Variants in AK5 observed in about 807,000 individuals in gnomAD.
The protein encoded by AK5 is adenylate kinase 5.
A neutral mutation model predicts 69.5 loss-of-function variants in AK5; 27 were observed. That is an observed-to-expected ratio of 0.39 (90% CI 0.29 to 0.54). The LOEUF is 0.54. Ranked by LOEUF, AK5 falls within the 20% of genes least tolerant of loss-of-function variation. The pLI, the probability that AK5 is intolerant of heterozygous loss-of-function variation, is 0.71. For missense variants in AK5, 531 were observed against 700.4 expected, an observed-to-expected ratio of 0.76 and a Z score of 2.73; for synonymous variants, 260 against 244.4, an observed-to-expected ratio of 1.06 and a Z score of -0.60.
At chr1:77,498,902 G>A (rs961552112) in intron 10 of AK5, among the ~76,000 whole-genome samples, 4 of 152,222 alleles carry the variant, frequency 2.6e-5, no homozygotes, top group East Asian at 1.9e-4. Context: ...GGACTGAGCT[G>A]TTAAGTGGTG....
chr1:77,396,938 C>T (rs1457122733), intron 6 of AK5, among the ~76,000 whole-genome samples: 1 of 152,240 alleles, frequency 6.6e-6, no homozygotes, highest in Non-Finnish European at 1.5e-5. Context: ...AATGGTAACT[C>T]GTGCCATGCA....
chr1:77,536,079 C>G, intron 13 of AK5, 41 bp downstream of exon 13: 1 of 1,263,210 alleles, frequency 7.9e-7, no homozygotes, highest in Non-Finnish European at 1.1e-6. Context: ...AGCCGCTTAC[C>G]TTTTTTTTTT....
At chr1:77,369,460 A>G (rs1243571669) in intron 6 of AK5, among the ~76,000 whole-genome samples, 2 of 152,328 alleles carry the variant, frequency 1.3e-5, no homozygotes, top group East Asian at 1.9e-4. Context: ...CTTCAAATAA[A>G]TAATACATAC....
intron 6 of AK5, among the ~76,000 whole-genome samples, chr1:77,382,497 C>T (rs967855113): frequency 2.0e-5 from 3 of 152,222 alleles, no homozygotes; most frequent in Middle Eastern, 3.4e-3. Flanking sequence ...AATACAGGCA[C>T]GCACCATCAT....
At chr1:77,531,061 T>G (rs997186735) in intron 12 of AK5, among the ~76,000 whole-genome samples, 1 of 152,156 alleles carries the variant, frequency 6.6e-6, no homozygotes, top group African/African-American at 2.4e-5. Context: ...ACTTAAAGAA[T>G]GAAGCCGTGG....
intron 8 of AK5, among the ~76,000 whole-genome samples, chr1:77,454,594 A>G (rs567287616): frequency 1.3e-5 from 2 of 152,208 alleles, no homozygotes; most frequent in Non-Finnish European, 2.9e-5. Context: ...TATACTTTCC[A>G]AAGAGAATTA....
intron 8 of AK5, among the ~76,000 whole-genome samples, chr1:77,436,584 C>T (rs1651976770): frequency 6.6e-6 from 1 of 151,598 alleles, no homozygotes; most frequent in Non-Finnish European, 1.5e-5. Context: ...AATATTTTAT[C>T]TTATTTTGAA....
intron 6 of AK5, among the ~76,000 whole-genome samples, chr1:77,398,187 A>C (rs2100542344): frequency 6.6e-6 from 1 of 152,338 alleles, no homozygotes; most frequent in Admixed American, 6.5e-5. Context: ...AAGGAAAGAG[A>C]AGGAAAAATA....
At position 77,331,378 on chromosome 1, in the gene AK5, AAAG is replaced by A. The variant is rs573804018; in HGVS notation, c.700-8994_700-8992del. Among the ~76,000 whole-genome samples the A allele has an allele frequency of 2.6e-5, 4 of 152,292 alleles. No homozygotes were observed. The South Asian group carries it at 8.3e-4, about 32-fold the overall frequency. ...TTGTATATTTGTTCTTTATCACATG[AAAG>A]AAGACCTCTTGAATTCCTAGTTTGA... On this transcript the variant is annotated intron_variant, in intron 5 of 13. Coordinates refer to ENST00000354567, the MANE Select transcript of AK5 (RefSeq NM_174858.3).
intron 8 of AK5, among the ~76,000 whole-genome samples, chr1:77,463,714 C>T (rs1653976902): frequency 6.6e-6 from 1 of 152,106 alleles, no homozygotes; most frequent in African/African-American, 2.4e-5. Flanking sequence ...TGTCTGTTTC[C>T]CTCTATTTTT....
At chr1:77,405,632 GAGCCC>G (rs1474737556) in intron 6 of AK5, among the ~76,000 whole-genome samples, 1 of 152,198 alleles carries the variant, frequency 6.6e-6, no homozygotes, top group Non-Finnish European at 1.5e-5. Flanking sequence ...GCTGCTCCCT[GAGCCC>G]TGGCTTCCCA....
chr1:77,409,873 G>A (rs1383229482), intron 6 of AK5, among the ~76,000 whole-genome samples: 1 of 151,964 alleles, frequency 6.6e-6, no homozygotes, highest in Admixed American at 6.6e-5. Flanking sequence ...TATAGTTTTG[G>A]GTTTTACATC....
chr1:77,359,759 G>C (rs1295392431), intron 6 of AK5, among the ~76,000 whole-genome samples: 1 of 152,102 alleles, frequency 6.6e-6, no homozygotes, highest in Non-Finnish European at 1.5e-5. Flanking sequence ...TATGTAATTC[G>C]CTAGCTTTAC....
intron 5 of AK5, among the ~76,000 whole-genome samples, chr1:77,332,845 T>A (rs1358506006): frequency 2.0e-5 from 3 of 152,124 alleles, no homozygotes; most frequent in Non-Finnish European, 4.4e-5. Flanking sequence ...AAATATTCTG[T>A]ACTCTGAGTT....
intron 8 of AK5, among the ~76,000 whole-genome samples, chr1:77,461,034 T>A (rs1465604742): frequency 9.7e-6 from 1 of 103,410 alleles, no homozygotes; most frequent in Non-Finnish European, 2.0e-5. Flanking sequence ...GTATGTGAAA[T>A]TTTTTTTTTT....
At chr1:77,294,675 A>G (rs1168378673) in intron 3 of AK5, among the ~76,000 whole-genome samples, 3 of 152,202 alleles carry the variant, frequency 2.0e-5, no homozygotes, top group African/African-American at 7.2e-5. Context: ...ATAATAGTTC[A>G]TTTTAAAAGT....
At chr1:77,543,061 A>G (rs968098607) in intron 13 of AK5, among the ~76,000 whole-genome samples, 2 of 152,226 alleles carry the variant, frequency 1.3e-5, no homozygotes, top group Non-Finnish European at 2.9e-5. Flanking sequence ...CTTTGTAAAT[A>G]GTTTGACCGT....
At chr1:77,331,327 A>G (rs1661076061) in intron 5 of AK5, among the ~76,000 whole-genome samples, 1 of 152,154 alleles carries the variant, frequency 6.6e-6, no homozygotes, top group Admixed American at 6.5e-5. Context: ...ACATTTCCCA[A>G]TTAAGTATGA....
intron 11 of AK5, among the ~76,000 whole-genome samples, chr1:77,520,749 T>TA (rs1220872591): frequency 6.6e-6 from 1 of 152,272 alleles, no homozygotes; most frequent in African/African-American, 2.4e-5. Context: ...TTATCTTCGC[T>TA]GACTCTTCAT....
Sources: allele counts gnomAD v4.1 joint callset (sites outside exome capture counted in the v4.1 genomes callset), GRCh38; gene constraint gnomAD v4.1.1; transcripts MANE v1.5; gene names NCBI Gene and HGNC (gene_info 2026-07-23, HGNC 2026-07-21).